CRB1: variants seen among roughly 807,000 people sequenced by gnomAD.
CRB1 encodes the protein crumbs cell polarity complex component 1, also known as protein crumbs homolog 1.
Under a neutral mutation model 120.0 loss-of-function variants are expected in CRB1, and 83 were observed. The ratio of observed to expected loss-of-function variants is 0.69; its 90% CI spans 0.58 to 0.83. The LOEUF (loss-of-function observed/expected upper bound fraction) is 0.83. Ranked by LOEUF, CRB1 falls within the 40% of genes least tolerant of loss-of-function variation. The probability of loss-of-function intolerance (pLI) is 0.00; values close to 1 mark genes in which losing one functional copy is unlikely to be tolerated. For synonymous variants in CRB1, 625 were observed against 612.5 expected (o/e 1.02, Z -0.30); for missense variants, 1,699 against 1,687.6 (o/e 1.01, Z -0.12).
intron 5 of CRB1, among the ~76,000 whole-genome samples, chr1:197,396,610 G>C (rs183568765): frequency 3.3e-5 from 5 of 152,228 alleles, no homozygotes; most frequent in Admixed American, 3.3e-4. Flanking sequence ...ATAATGTAGA[G>C]TTGGCAAAGG....
the CRB1 span, among the ~76,000 whole-genome samples, chr1:197,214,129 A>G: frequency 6.6e-6 from 1 of 151,284 alleles, no homozygotes; most frequent in South Asian, 2.1e-4. Context: ...TGCGAAGGAG[A>G]AAAAAAAAGC....
chr1:197,390,533 G>T, intron 5 of CRB1, among the ~76,000 whole-genome samples: 1 of 152,034 alleles, frequency 6.6e-6, no homozygotes, highest in African/African-American at 2.4e-5. Context: ...TCATAGGTAT[G>T]TTCAGCTTTT....
chr1:197,465,867 G>T (rs1395193723), intron 11 of CRB1, among the ~76,000 whole-genome samples: 8 of 152,142 alleles, frequency 5.3e-5, no homozygotes, highest in Admixed American at 1.3e-4. Context: ...CTAAAGGAAA[G>T]GTTTTTATTT....
intron 5 of CRB1, among the ~76,000 whole-genome samples, chr1:197,363,404 CT>C (rs1660886910): frequency 6.6e-6 from 1 of 151,924 alleles, no homozygotes; most frequent in South Asian, 2.1e-4. Context: ...GTGACAATTT[CT>C]TTTGGTTTTC....
At chr1:197,310,050 T>A (rs1180290996) in intron 1 of CRB1, among the ~76,000 whole-genome samples, 2 of 152,202 alleles carry the variant, frequency 1.3e-5, no homozygotes, top group African/African-American at 4.8e-5. Flanking sequence ...TTAACTTTTT[T>A]ATTTGGGCTG....
At chr1:197,457,427 C>T (rs968825335) in intron 11 of CRB1, among the ~76,000 whole-genome samples, 3 of 152,090 alleles carry the variant, frequency 2.0e-5, no homozygotes, top group Non-Finnish European at 2.9e-5. Flanking sequence ...GTTGGAGCCA[C>T]GCTTTCAGAT....
chr1:197,415,695 T>C (rs1663960135), intron 5 of CRB1, among the ~76,000 whole-genome samples: 2 of 136,626 alleles, frequency 1.5e-5, no homozygotes, highest in South Asian at 4.7e-4. Context: ...CAGGCTGGAG[T>C]GCAGTGGTTT....
intron 10 of CRB1, chr1:197,439,952 GC>G (rs1048742046): frequency 6.6e-6 from 1 of 152,068 alleles, no homozygotes; most frequent in African/African-American, 2.4e-5. Context: ...TTTGCAGCCT[GC>G]CTTCTGTGGT....
chr1:197,437,052 TA>T (rs1665195711), intron 9 of CRB1, among the ~76,000 whole-genome samples: 2 of 152,150 alleles, frequency 1.3e-5, no homozygotes, highest in African/African-American at 2.4e-5. Context: ...AAGAAGTTAT[TA>T]TTGTTTTTAC....
At chr1:197,329,212 G>A (rs1658711476) in intron 2 of CRB1, among the ~76,000 whole-genome samples, 1 of 152,232 alleles carries the variant, frequency 6.6e-6, no homozygotes, top group African/African-American at 2.4e-5. Flanking sequence ...CACTGTTGCT[G>A]TTTTAAATGG....
chr1:197,269,950 G>C (rs911944077), intron 1 of CRB1, among the ~76,000 whole-genome samples: 1 of 152,050 alleles, frequency 6.6e-6, no homozygotes, highest in Non-Finnish European at 1.5e-5. Flanking sequence ...GTTTAAAAAA[G>C]TACATTTGAA....
chr1:197,366,830 G>T (rs529775828), intron 5 of CRB1, among the ~76,000 whole-genome samples: 1 of 152,262 alleles, frequency 6.6e-6, no homozygotes, highest in African/African-American at 2.4e-5. Flanking sequence ...AAAATCTAAA[G>T]ATCCATTTAG....
chr1:197,372,244 C>A (rs1661409020), intron 5 of CRB1, among the ~76,000 whole-genome samples: 1 of 152,116 alleles, frequency 6.6e-6, no homozygotes, highest in South Asian at 2.1e-4. Flanking sequence ...CCCAGGGGCA[C>A]CAATCATCAT....
chr1:197,269,143 C>T (rs1348388219), intron 1 of CRB1, among the ~76,000 whole-genome samples: 1 of 152,196 alleles, frequency 6.6e-6, no homozygotes, highest in Admixed American at 6.5e-5. Flanking sequence ...CAAATTGCCC[C>T]AGCTGTGTGT....
Position 197,268,267 on chromosome 1 carries a change from T to A in CRB1, c.-146T>A. On this transcript the variant is annotated 5_prime_UTR_variant, in exon 1 of 12. Coordinates refer to ENST00000367400, the MANE Select transcript of CRB1 (RefSeq NM_201253.3). ...TTTGAATCTAAGTCCCTGTATTTTC[T>A]GTGAAGGAGCTGTAAGTAGGGTGGG... The A allele has an allele frequency of 1.4e-6, 1 of 720,550 alleles. No individual in the cohort carries two copies. The allele number at this position is 720,550 out of a possible 1,614,324, so 44.6% of individuals were successfully genotyped here.
chr1:197,243,412 T>G, the CRB1 span, among the ~76,000 whole-genome samples: 53 of 152,308 alleles, frequency 3.5e-4, no homozygotes, highest in South Asian at 1.5e-3. Context: ...AACTTATTTA[T>G]TTCTGCCTTA....
intron 11 of CRB1, among the ~76,000 whole-genome samples, chr1:197,460,001 C>CTTTTTTTTTTTTTTTTTTTTTTTTT (rs10679172): frequency 3.7e-4 from 28 of 75,638 alleles, no homozygotes; most frequent in East Asian, 5.4e-4. Context: ...AAGCCCCCCT[C>CTTTTTTTTTTTTTTTTTTTTTTTTT]TTTTTTTTTT....
intron 5 of CRB1, among the ~76,000 whole-genome samples, chr1:197,365,623 CTTCT>C (rs1365345379): frequency 0.027 from 3,484 of 128,258 alleles, 101 homozygotes; most frequent in African/African-American, 0.12. Flanking sequence ...TCTTCTTCTT[CTTCT>C]TTTTTTTTTT....
intron 11 of CRB1, among the ~76,000 whole-genome samples, chr1:197,472,255 A>G (rs1176627038): frequency 6.6e-6 from 1 of 152,250 alleles, no homozygotes; most frequent in African/African-American, 2.4e-5. Context: ...TGATATACAT[A>G]CAACTGAATT....
Sources: gnomAD v4.1 joint callset for allele counts (sites outside exome capture counted in the v4.1 genomes callset) on GRCh38, gnomAD v4.1.1 for gene constraint, MANE v1.5 for transcripts, NCBI Gene and HGNC (gene_info 2026-07-23, HGNC 2026-07-21) for gene names.